The following MACROD2 variants were observed in gnomAD, a reference collection of about 807,000 sequenced individuals.
MACROD2 encodes the protein ADP-ribose glycohydrolase MACROD2.
MACROD2 carries 36 observed loss-of-function variants against 70.4 expected under a neutral mutation model. The observed-to-expected ratio is 0.51, with a 90% CI of 0.39 to 0.68. MACROD2 has a LOEUF of 0.68. Among genes scored for constraint, MACROD2 ranks in the 30% least tolerant of loss-of-function variants. The pLI is 0.00. For missense variants in MACROD2, 496 were observed against 538.4 expected, an observed-to-expected ratio of 0.92 and a Z score of 0.78; for synonymous variants, 172 against 178.8, an observed-to-expected ratio of 0.96 and a Z score of 0.30.
At chr20:14,384,534 C>T (rs1236698065) in intron 3 of MACROD2, among the ~76,000 whole-genome samples, 1 of 152,112 alleles carries the variant, frequency 6.6e-6, no homozygotes, top group African/African-American at 2.4e-5. Flanking sequence ...TGCCAATCTA[C>T]ATTCCATTGC....
At chr20:14,465,859 G>T (rs1054554331) in intron 3 of MACROD2, among the ~76,000 whole-genome samples, 2 of 152,052 alleles carry the variant, frequency 1.3e-5, no homozygotes, top group Non-Finnish European at 1.5e-5. Flanking sequence ...TTGAATAGTG[G>T]CCCCCACTCT....
At chr20:15,611,825 T>A (rs1170135057) in intron 8 of MACROD2, among the ~76,000 whole-genome samples, 2 of 149,024 alleles carry the variant, frequency 1.3e-5, no homozygotes, top group African/African-American at 5.0e-5. Context: ...AGATGATGTC[T>A]ATAAGGCTCC....
chr20:15,200,045 T>G lies in MACROD2; in HGVS notation c.419-29895T>G, dbSNP rs1212206174. On this transcript the variant is annotated intron_variant, in intron 5 of 17. Transcript: ENST00000684519. ...AAACATTTATTAGAGTAAATAACCG[T>G]TAAAAATAAGAGGAGAAAAATTATC... 1.4e-5 allele frequency among the ~76,000 whole-genome samples: 2 copies of G among 144,114 alleles called. 1 individual carries two copies. Among genetic ancestry groups the G allele is most frequent in the African/African-American group, 5.4e-5 (2 of 37,032 alleles). 94.5% of individuals were successfully genotyped at this position (144,114 alleles called of 152,430 possible).
intron 3 of MACROD2, among the ~76,000 whole-genome samples, chr20:14,237,039 C>A (rs984004558): frequency 1.6e-4 from 24 of 151,788 alleles, no homozygotes; most frequent in African/African-American, 3.4e-4. Context: ...AGTATAGAAT[C>A]CTGGGTATAG....
chr20:14,613,555 A>G (rs1247925557), intron 4 of MACROD2, among the ~76,000 whole-genome samples: 7 of 152,108 alleles, frequency 4.6e-5, no homozygotes, highest in African/African-American at 7.2e-5. Context: ...TCTATTAAGT[A>G]TGGAGATAAA....
intron 5 of MACROD2, among the ~76,000 whole-genome samples, chr20:14,710,201 G>A (rs974259753): frequency 1.6e-4 from 24 of 152,088 alleles, no homozygotes; most frequent in Non-Finnish European, 2.1e-4. Flanking sequence ...CCAAAGCAGA[G>A]ATTTCAGTTA....
At chr20:15,468,517 G>GA (rs1239529386) in intron 7 of MACROD2, among the ~76,000 whole-genome samples, 4 of 151,948 alleles carry the variant, frequency 2.6e-5, no homozygotes, top group Admixed American at 6.6e-5. Flanking sequence ...TTTGACTCAA[G>GA]AAAAAAAACA....
chr20:15,336,572 T>A (rs4814358), intron 6 of MACROD2, among the ~76,000 whole-genome samples: 58,521 of 151,156 alleles, frequency 0.39, 11,947 homozygotes, highest in East Asian at 0.61. Context: ...CTCTTCCTTT[T>A]CAATGTGTTT....
chr20:14,068,014 A>G (rs758955414), intron 2 of MACROD2, among the ~76,000 whole-genome samples: 9 of 152,232 alleles, frequency 5.9e-5, no homozygotes, highest in Non-Finnish European at 8.8e-5. Context: ...ATATAGATCT[A>G]TAAAACTCGA....
intron 3 of MACROD2, among the ~76,000 whole-genome samples, chr20:14,259,999 C>T (rs547436141): frequency 6.6e-6 from 1 of 152,136 alleles, no homozygotes; most frequent in Non-Finnish European, 1.5e-5. Flanking sequence ...TTTGCTCTTG[C>T]CAAAGTGTAG....
chr20:15,461,006 A>ATATATATATATATATATATATATATTT, intron 7 of MACROD2, among the ~76,000 whole-genome samples: 3 of 66,990 alleles, frequency 4.5e-5, no homozygotes, highest in Non-Finnish European at 6.6e-5. Context: ...ATATATATAT[A>ATATATATATATATATATATATATATTT]TTTTTTTTTA....
intron 8 of MACROD2, among the ~76,000 whole-genome samples, chr20:15,793,320 T>C (rs2063642811): frequency 6.6e-6 from 1 of 152,126 alleles, no homozygotes; most frequent in Non-Finnish European, 1.5e-5. Context: ...GCCTAAGAAT[T>C]TGTATTTCTA....
In MACROD2 at chr20:14,388,155, G is replaced by T. The variant is rs1159853129; in HGVS notation, c.272-105324G>T. 2.6e-5 allele frequency among the ~76,000 whole-genome samples: 4 copies of T among 151,656 alleles called. No individual in the cohort carries two copies. The South Asian group carries it at 8.4e-4, about 32-fold the overall frequency. On this transcript the variant is annotated intron_variant, in intron 3 of 17. Transcript: ENST00000684519. ...CTCCTGAGTAGCTGGGACTATAGGC[G>T]CCTGCCACCACGCCCGGCTAATTTT...
intron 8 of MACROD2, among the ~76,000 whole-genome samples, chr20:15,734,309 G>T (rs2050988685): frequency 2.0e-5 from 3 of 152,104 alleles, no homozygotes; most frequent in Admixed American, 1.3e-4. Flanking sequence ...AGTACCTTAG[G>T]TCTTGACGTC....
intron 5 of MACROD2, among the ~76,000 whole-genome samples, chr20:14,868,942 C>A (rs1375763394): frequency 6.6e-6 from 1 of 152,128 alleles, no homozygotes; most frequent in African/African-American, 2.4e-5. Context: ...TGATACAGGA[C>A]CAGCTATGTA....
At chr20:14,010,894 C>T (rs866087484) in intron 2 of MACROD2, among the ~76,000 whole-genome samples, 1 of 152,162 alleles carries the variant, frequency 6.6e-6, no homozygotes, top group Non-Finnish European at 1.5e-5. Flanking sequence ...ACAAAGTTTT[C>T]TCCAGCATGA....
At chr20:15,911,336 A>G (rs1050199557) in intron 10 of MACROD2, among the ~76,000 whole-genome samples, 6 of 152,240 alleles carry the variant, frequency 3.9e-5, no homozygotes, top group African/African-American at 1.4e-4. Flanking sequence ...TCGTCAGTAA[A>G]TATTATTTGA....
intron 8 of MACROD2, among the ~76,000 whole-genome samples, chr20:15,565,745 G>A (rs1236817330): frequency 6.6e-6 from 1 of 152,020 alleles, no homozygotes; most frequent in Non-Finnish European, 1.5e-5. Context: ...CCTCCCACGT[G>A]GCTAATTTTT....
intron 13 of MACROD2, among the ~76,000 whole-genome samples, chr20:15,972,672 C>T (rs144390632): frequency 1.6e-3 from 239 of 151,828 alleles, no homozygotes; most frequent in Non-Finnish European, 3.0e-3. Context: ...TAGCAAGGCA[C>T]GGTGGTGGGC....
Sources: allele counts gnomAD v4.1 joint callset (sites outside exome capture counted in the v4.1 genomes callset), GRCh38; gene constraint gnomAD v4.1.1; transcripts MANE v1.5; gene names NCBI Gene and HGNC (gene_info 2026-07-23, HGNC 2026-07-21).